PPP2R2B: variants seen among roughly 807,000 people sequenced by gnomAD.
PPP2R2B encodes the protein serine/threonine-protein phosphatase 2A 55 kDa regulatory subunit B beta isoform.
Under a neutral mutation model 46.0 loss-of-function variants are expected in PPP2R2B, and 5 were observed. The observed-to-expected ratio is 0.11, with a 90% CI of 0.06 to 0.23. PPP2R2B has a LOEUF of 0.23. Ranked by LOEUF, PPP2R2B falls within the 10% of genes least tolerant of loss-of-function variation. The pLI is 1.00. For synonymous variants in PPP2R2B, 215 were observed against 206.7 expected (o/e 1.04, Z -0.34); for missense variants, 367 against 575.0 (o/e 0.64, Z 3.70).
chr5:146,707,222 T>C lies in PPP2R2B; in HGVS notation c.71-6080A>G, dbSNP rs1779918930. The stretch of plus-strand genomic sequence containing the variant: ...ATGTTGTCCATGTTGCTCCCAGCCG[T>C]CTTCTGCTGCTGCAGGAGGCTCCAC... On this transcript the variant is annotated intron_variant, in intron 2 of 9. Coordinates refer to ENST00000394411, the MANE Select transcript of PPP2R2B (RefSeq NM_181675.4). The C allele has an allele frequency of 2.5e-6, 4 of 1,580,562 alleles. No homozygotes were observed. In the South Asian group the frequency reaches 4.4e-5, roughly 17 times the overall value.
intron 2 of PPP2R2B, among the ~76,000 whole-genome samples, chr5:146,779,547 T>C (rs1220974063): frequency 6.6e-6 from 1 of 152,196 alleles, no homozygotes; most frequent in African/African-American, 2.4e-5. Context: ...TAAAGACTCA[T>C]AGTGGTACCA....
intron 2 of PPP2R2B, among the ~76,000 whole-genome samples, chr5:146,770,837 G>T (rs1012075205): frequency 6.6e-6 from 1 of 152,128 alleles, no homozygotes; most frequent in Non-Finnish European, 1.5e-5. Context: ...GCTCAATGAG[G>T]CTCAAGCAGT....
At chr5:146,827,418 G>A (rs1758649677) in intron 2 of PPP2R2B, among the ~76,000 whole-genome samples, 1 of 142,864 alleles carries the variant, frequency 7.0e-6, no homozygotes, top group African/African-American at 2.7e-5. Flanking sequence ...AAGGGAAAGA[G>A]CACCCAGAAC....
intron 2 of PPP2R2B, among the ~76,000 whole-genome samples, chr5:146,800,917 TACACACACACAC>T (rs148564633): frequency 2.8e-5 from 4 of 145,336 alleles, no homozygotes; most frequent in African/African-American, 1.0e-4. Flanking sequence ...TATGTGTACA[TACACACACACAC>T]ACACACACAC....
intron 2 of PPP2R2B, among the ~76,000 whole-genome samples, chr5:146,866,157 A>G (rs554609703): frequency 1.3e-5 from 2 of 152,324 alleles, no homozygotes; most frequent in East Asian, 3.9e-4. Flanking sequence ...CTGACCCTCT[A>G]CAGGAAGAGT....
intron 2 of PPP2R2B, among the ~76,000 whole-genome samples, chr5:146,740,701 T>C (rs1306241954): frequency 6.6e-6 from 1 of 151,806 alleles, no homozygotes; most frequent in Non-Finnish European, 1.5e-5. Flanking sequence ...TGATTTTTAC[T>C]CACACTGTCT....
chr5:146,815,511 G>A (rs1757877294), intron 2 of PPP2R2B, among the ~76,000 whole-genome samples: 1 of 152,246 alleles, frequency 6.6e-6, no homozygotes, highest in African/African-American at 2.4e-5. Context: ...CCTACTAGGG[G>A]TGGTAAACTA....
At chr5:146,653,654 C>T (rs773768763) in intron 5 of PPP2R2B, among the ~76,000 whole-genome samples, 7 of 152,258 alleles carry the variant, frequency 4.6e-5, no homozygotes, top group Non-Finnish European at 1.0e-4. Flanking sequence ...GCTGTGGCGA[C>T]ATGGGAGGGA....
At chr5:146,657,457 T>C (rs1581807842) in intron 5 of PPP2R2B, among the ~76,000 whole-genome samples, 1 of 152,282 alleles carries the variant, frequency 6.6e-6, no homozygotes, top group East Asian at 1.9e-4. Context: ...AGGTCAAATC[T>C]CATTGAGGTG....
intron 7 of PPP2R2B, among the ~76,000 whole-genome samples, chr5:146,630,062 G>A (rs191413490): frequency 2.4e-3 from 358 of 152,250 alleles, no homozygotes; most frequent in Non-Finnish European, 4.0e-3. Flanking sequence ...CAACCCACCT[G>A]CCTCAGCCTC....
At chr5:146,698,170 A>G (rs752029584) in intron 3 of PPP2R2B, 26 bp from the exon 4 acceptor site, 4 of 1,554,168 alleles carry the variant, frequency 2.6e-6, no homozygotes, top group African/African-American at 2.8e-5. Context: ...AAAATACACA[A>G]CAGATTAAAT....
rs80090785 is a variant in PPP2R2B, at chr5:147,035,377, G to A, written c.79+20288C>T. The A allele has an allele frequency of 6.2e-3, 1,657 of 265,288 alleles. 12 individuals carry two copies. The highest frequency in any genetic ancestry group is 9.0e-3 in the Non-Finnish European group (1,211 of 134,708). 16.4% of individuals were successfully genotyped at this position (265,288 alleles called of 1,614,324 possible). A position where few individuals can be genotyped will look rare whatever the true frequency, so the allele number is the denominator to read the frequency against. On this transcript the variant is annotated intron_variant, in intron 1 of 8. Coordinates refer to the PPP2R2B transcript ENST00000336640. ...CCCCCATGATCCAATCACCTCCCCC[G>A]AGTTCCCTTCTTCAACATGTGGGGG...
At chr5:146,951,093 G>A (rs1764637764) in intron 1 of PPP2R2B, among the ~76,000 whole-genome samples, 1 of 151,910 alleles carries the variant, frequency 6.6e-6, no homozygotes, top group African/African-American at 2.4e-5. Context: ...CCACTTGGCA[G>A]TTCTTCAAAT....
At chr5:146,835,682 G>A (rs1055326715) in intron 2 of PPP2R2B, among the ~76,000 whole-genome samples, 1 of 152,112 alleles carries the variant, frequency 6.6e-6, no homozygotes, top group East Asian at 1.9e-4. Flanking sequence ...GACAGACCCA[G>A]GTTCCAGAGC....
intron 1 of PPP2R2B, among the ~76,000 whole-genome samples, chr5:146,915,968 A>T (rs988749359): frequency 1.3e-4 from 20 of 152,220 alleles, no homozygotes; most frequent in Non-Finnish European, 2.5e-4. Flanking sequence ...TGGAAAAGTC[A>T]TGTTTTTAGA....
intron 6 of PPP2R2B, among the ~76,000 whole-genome samples, chr5:146,642,331 G>A (rs1775276628): frequency 6.6e-6 from 1 of 152,222 alleles, no homozygotes; most frequent in African/African-American, 2.4e-5. Flanking sequence ...ATCAGTGTGG[G>A]ATGAGGGAAT....
chr5:146,846,677 CA>C (rs11315873), intron 2 of PPP2R2B, among the ~76,000 whole-genome samples: 39,345 of 145,654 alleles, frequency 0.27, 6,060 homozygotes, highest in African/African-American at 0.42. Context: ...GACTCTGTCT[CA>C]AAAAAAAAAA....
At chr5:146,710,722 T>A (rs766740814) in intron 2 of PPP2R2B, among the ~76,000 whole-genome samples, 1 of 152,254 alleles carries the variant, frequency 6.6e-6, no homozygotes, top group Non-Finnish European at 1.5e-5. Flanking sequence ...AGATCTATTA[T>A]CCGCACAACA....
At position 146,984,805 on chromosome 5, in the gene PPP2R2B, G is replaced by A. The variant is rs78101316; in HGVS notation, c.79+70860C>T. Among the ~76,000 whole-genome samples, 777 of 151,532 alleles carry A rather than the reference G, an allele frequency of 5.1e-3. 3 individuals are homozygous for A. The highest frequency in any genetic ancestry group is 0.018 in the African/African-American group (737 of 41,310). On this transcript the variant is annotated intron_variant, in intron 1 of 8. Transcript: ENST00000336640. ...AGGATATTTCTTGTGGCTTTAATTTGCATTTTCCCAGTGATTACAAATGTT... is the reference window on the plus strand; with the variant it reads ...AGGATATTTCTTGTGGCTTTAATTTACATTTTCCCAGTGATTACAAATGTT...
Sources: allele counts gnomAD v4.1 joint callset (sites outside exome capture counted in the v4.1 genomes callset), GRCh38; gene constraint gnomAD v4.1.1; transcripts MANE v1.5; gene names NCBI Gene and HGNC (gene_info 2026-07-23, HGNC 2026-07-21).